Variants in WDR59 observed in about 807,000 individuals in gnomAD.
WDR59 encodes WD repeat domain 59.
A neutral mutation model predicts 131.2 loss-of-function variants in WDR59; 100 were observed. The observed-to-expected ratio is 0.76, with a 90% confidence interval of 0.65 to 0.90. WDR59 has a LOEUF of 0.90. WDR59 is among the 40% of genes least tolerant of loss of function. WDR59 has a pLI of 0.00. For missense variants in WDR59, 1,203 were observed against 1,262.2 expected, an observed-to-expected ratio of 0.95 and a Z score of 0.71; for synonymous variants, 601 against 466.2, an observed-to-expected ratio of 1.29 and a Z score of -3.72.
At position 74,985,113 on chromosome 16, in the gene WDR59, A is replaced by T; in HGVS notation, c.-96T>A. On this transcript the variant is annotated 5_prime_UTR_variant, in exon 1 of 26. Transcript: ENST00000262144. ...GTGCGCCCCACACAGCCAGAGAATCAGCCCCGACACGCCCCGTGCCCTGGT... is the reference window on the plus strand; with the variant it reads ...GTGCGCCCCACACAGCCAGAGAATCTGCCCCGACACGCCCCGTGCCCTGGT... 8.0e-7 allele frequency: 1 copy of T among 1,250,966 alleles called. No homozygotes were observed. The highest frequency in any genetic ancestry group is 1.1e-6 in the Non-Finnish European group (1 of 879,940). 77.5% of individuals were successfully genotyped at this position (1,250,966 alleles called of 1,614,324 possible).
chr16:74,889,905 C>G, intron 20 of WDR59, 90 bp from the exon 21 acceptor site: 1 of 928,748 alleles, frequency 1.1e-6, no homozygotes, highest in Non-Finnish European at 1.6e-6. Context: ...CATATAAAAC[C>G]TGATGCCTTG....
At chr16:74,913,070 TGGGG>T (rs56771975) in intron 13 of WDR59, among the ~76,000 whole-genome samples, 72,474 of 144,312 alleles carry the variant, frequency 0.5, 20,495 homozygotes, top group East Asian at 0.62. Flanking sequence ...GGCTAGATTT[TGGGG>T]GGGGGGGGGG....
Position 74,871,755 on chromosome 16 carries a change from A to G in WDR59, c.*2454T>C, listed in dbSNP as rs955141394. 1 of 152,204 alleles carries G rather than the reference A, an allele frequency of 6.6e-6. No homozygotes were observed. The highest frequency in any genetic ancestry group is 1.5e-5 in the Non-Finnish European group (1 of 68,032). 9.4% of individuals were successfully genotyped at this position (152,204 alleles called of 1,614,324 possible). A position where few individuals can be genotyped will look rare whatever the true frequency, so the allele number is the denominator to read the frequency against. On this transcript the variant is annotated 3_prime_UTR_variant, in exon 26 of 26. Coordinates refer to ENST00000262144, the MANE Select transcript of WDR59 (RefSeq NM_030581.4). Reference sequence around the variant, plus strand: ...CCTTTCTCTCTGTGTAAATCAGCCAACCTATTCTGTGATCACCATTACAAC... The same window carrying G: ...CCTTTCTCTCTGTGTAAATCAGCCAGCCTATTCTGTGATCACCATTACAAC...
chr16:74,945,937 C>A (rs939262956), intron 6 of WDR59, among the ~76,000 whole-genome samples: 1 of 151,776 alleles, frequency 6.6e-6, no homozygotes, highest in African/African-American at 2.4e-5. Flanking sequence ...CCTGCCTCAG[C>A]CTCCCAAGAA....
intron 8 of WDR59, among the ~76,000 whole-genome samples, chr16:74,929,594 G>C (rs908918203): frequency 6.6e-6 from 1 of 152,292 alleles, no homozygotes; most frequent in Admixed American, 6.5e-5. Flanking sequence ...ATGTAAATTA[G>C]TACGGCCACT....
chr16:74,881,007 T>A (rs1597625950), intron 25 of WDR59, among the ~76,000 whole-genome samples: 1 of 152,234 alleles, frequency 6.6e-6, no homozygotes, highest in African/African-American at 2.4e-5. Flanking sequence ...TCTACCTCTA[T>A]GGAGGGAATT....
rs1326321602 is a variant in WDR59, at chr16:74,956,466, T to A, written c.240+9A>T. On this transcript the variant is annotated intron_variant, in intron 3 of 25. Coordinates refer to ENST00000262144, the MANE Select transcript of WDR59 (RefSeq NM_030581.4). ...ACAGCATTCTCCTGTATTCCTTAAA[T>A]AAGCTCACCGAAGCCGCAAAATAGT... The A allele has an allele frequency of 3.7e-6, 6 of 1,613,154 alleles. No individual in the cohort carries two copies. Among genetic ancestry groups the A allele is most frequent in the South Asian group, 1.1e-5 (1 of 90,880 alleles).
At chr16:74,954,840 T>G (rs145763372) in intron 3 of WDR59, among the ~76,000 whole-genome samples, 297 of 152,330 alleles carry the variant, frequency 1.9e-3, no homozygotes, top group Non-Finnish European at 3.2e-3. Context: ...AACATTATGC[T>G]AAGTAAAAGA....
At chr16:74,899,413 G>A (rs1048258205) in intron 18 of WDR59, among the ~76,000 whole-genome samples, 1 of 152,114 alleles carries the variant, frequency 6.6e-6, no homozygotes, top group Non-Finnish European at 1.5e-5. Flanking sequence ...TAAGCTAACG[G>A]CTTACAATCA....
chr16:74,958,121 A>G (rs2033379033), intron 2 of WDR59, among the ~76,000 whole-genome samples: 5 of 152,234 alleles, frequency 3.3e-5, no homozygotes, highest in African/African-American at 1.2e-4. Flanking sequence ...GGGCAAATGT[A>G]CAAAGGCAGA....
intron 20 of WDR59, among the ~76,000 whole-genome samples, chr16:74,891,091 C>G (rs923807245): frequency 5.1e-5 from 7 of 138,604 alleles, no homozygotes; most frequent in Non-Finnish European, 7.6e-5. Flanking sequence ...CCAGCCTGGG[C>G]GACAGAGCGA....
At chr16:74,886,591 A>T in intron 23 of WDR59, 195 bp from the exon 24 acceptor site, 1 of 613,756 alleles carries the variant, frequency 1.6e-6, no homozygotes, top group Non-Finnish European at 2.6e-6. Context: ...TATTACTAAG[A>T]GAACTTGATC....
intron 18 of WDR59, among the ~76,000 whole-genome samples, chr16:74,902,918 G>GAA (rs747213089): frequency 6.5e-5 from 9 of 137,874 alleles, no homozygotes; most frequent in Non-Finnish European, 1.3e-4. Context: ...AAAGTGTCCA[G>GAA]AAAAAAAAAA....
Position 74,892,520 on chromosome 16 carries a change from G to C in WDR59, c.2046C>G (p.Ala682=). The C allele has an allele frequency of 6.2e-7, 1 of 1,613,936 alleles. No individual in the cohort carries two copies. The highest frequency in any genetic ancestry group is 1.1e-5 in the South Asian group (1 of 91,072). Residue 682 remains alanine (A), a synonymous_variant, in exon 20 of 26, where the codon GCC becomes GCG. Coordinates refer to ENST00000262144, the MANE Select transcript of WDR59 (RefSeq NM_030581.4). ...CCTTTCTTCCAACGAGCAAGGCAGA[G>C]GCGGCATTCTTCTGACATGTTTCCT... ...DIQETCQKNA[A]SALLVGRKDL... is the part of the protein sequence containing the mutation.
chr16:74,905,948 T>C (rs956918609), intron 17 of WDR59, among the ~76,000 whole-genome samples: 3 of 151,950 alleles, frequency 2.0e-5, no homozygotes, highest in Non-Finnish European at 4.4e-5. Context: ...CAAAAAAAGA[T>C]ACCCAAATGG....
At chr16:74,912,025 AT>A (rs1966118691) in intron 14 of WDR59, 172 bp downstream of exon 14, 1 of 824,324 alleles carries the variant, frequency 1.2e-6, no homozygotes, top group African/African-American at 1.7e-5. Flanking sequence ...CACTGCTCTG[AT>A]GTTTTCTGCA....
chr16:74,897,020 AAACT>A (rs1260971773), intron 18 of WDR59, among the ~76,000 whole-genome samples: 3 of 152,252 alleles, frequency 2.0e-5, no homozygotes, highest in Non-Finnish European at 4.4e-5. Flanking sequence ...TTTATATTAA[AAACT>A]AATAAATAAA....
Position 74,909,857 on chromosome 16 carries a change from G to A in WDR59, c.1450C>T (p.Leu484=). 6.2e-7 allele frequency: 1 copy of A among 1,612,922 alleles called. No homozygotes were observed. The highest frequency in any genetic ancestry group is 8.5e-7 in the Non-Finnish European group (1 of 1,180,006). Residue 484 remains leucine, a synonymous_variant, in exon 15 of 26, where the codon CTG becomes TTG. Transcript: ENST00000262144. ...TCAAGGCAGGAGACGAGCTGGCGCA[G>A]GCAGGGCTCCAGGCAGCTCTGGCCA... The part of the protein sequence containing the change: ...KRGQSCLEPC[L]RQLVSCLESF...
chr16:74,929,118 G>A (rs8049878), intron 8 of WDR59, among the ~76,000 whole-genome samples: 140,473 of 152,220 alleles, frequency 0.92, 65,261 homozygotes, highest in Non-Finnish European at 0.98. Flanking sequence ...TCTGTCGCCC[G>A]GGCTGGAGTG....
Sources: gnomAD v4.1 joint callset for allele counts (sites outside exome capture counted in the v4.1 genomes callset) on GRCh38, gnomAD v4.1.1 for gene constraint, MANE v1.5 for transcripts, NCBI Gene and HGNC (gene_info 2026-07-23, HGNC 2026-07-21) for gene names.